CKLF: variants seen among roughly 807,000 people sequenced by gnomAD.
The protein encoded by CKLF is chemokine-like factor.
CKLF carries 16 observed loss-of-function variants against 12.9 expected under a neutral mutation model. The observed-to-expected ratio is 1.24, with a 90% CI of 0.84 to 1.88. The LOEUF (loss-of-function observed/expected upper bound fraction) is 1.88. CKLF is among the 40% of genes most tolerant of loss of function. The probability of loss-of-function intolerance (pLI) is 0.00; values close to 1 mark genes in which losing one functional copy is unlikely to be tolerated. For missense variants in CKLF, 172 were observed against 188.5 expected (o/e 0.91, Z 0.51); for synonymous variants, 61 against 69.0 (o/e 0.88, Z 0.57).
chr16:66,565,858 G>A, intron 3 of CKLF, 28 bp from the exon 4 acceptor site: 1 of 1,611,632 alleles, frequency 6.2e-7, no homozygotes. Flanking sequence ...ACCATGGTTA[G>A]GGCAGTGACA....
chr16:66,566,203 G>A, downstream of CKLF: 1 of 1,510,410 alleles, frequency 6.6e-7, no homozygotes. This position sits in a 1 kb window ranked among gnomAD's most constrained non-coding sequence, Gnocchi z 4.9. Context: ...TCCGGCACCC[G>A]GGCCTGGGTG....
chr16:66,564,317 T>C (rs1345037529), intron 3 of CKLF, among the ~76,000 whole-genome samples: 1 of 152,180 alleles, frequency 6.6e-6, no homozygotes, highest in Non-Finnish European at 1.5e-5. Flanking sequence ...AGATCAGCTG[T>C]AAGTATAAAA....
In CKLF at chr16:66,565,878, C is replaced by T; in HGVS notation, c.334-8C>T. ...GGTTAGGGCAGTGACACTTGTCTTTCTTTCCAGGTGTTTGCACTTGTGACA... is the reference window on the plus strand; with the variant it reads ...GGTTAGGGCAGTGACACTTGTCTTTTTTTCCAGGTGTTTGCACTTGTGACA... On this transcript the variant is annotated splice_region_variant and splice_polypyrimidine_tract_variant and intron_variant, in intron 3 of 3. Transcript: ENST00000264001. The T allele has an allele frequency of 6.2e-7, 1 of 1,613,474 alleles. No individual in the cohort carries two copies. The highest frequency in any genetic ancestry group is 8.5e-7 in the Non-Finnish European group (1 of 1,179,672).
At chr16:66,559,881 A>G (rs2011602781) in intron 2 of CKLF, among the ~76,000 whole-genome samples, 1 of 152,248 alleles carries the variant, frequency 6.6e-6, no homozygotes, top group South Asian at 2.1e-4. Context: ...GAAATTATTT[A>G]TTCAGCAAAT....
chr16:66,552,895 C>G (rs1000388020), intron 1 of CKLF, 102 bp downstream of exon 1: 1 of 1,547,532 alleles, frequency 6.5e-7, no homozygotes, highest in South Asian at 1.1e-5. Context: ...TTTTCAACCT[C>G]GCTTTGATCA....
At chr16:66,564,846 A>G (rs2012078928) in intron 3 of CKLF, among the ~76,000 whole-genome samples, 1 of 152,182 alleles carries the variant, frequency 6.6e-6, no homozygotes. Context: ...GGTGACTCAT[A>G]TTATGCTGCT....
chr16:66,563,371 G>A (rs1249634705), intron 3 of CKLF, among the ~76,000 whole-genome samples, 154 bp downstream of exon 3: 16 of 152,168 alleles, frequency 1.1e-4, no homozygotes, highest in Admixed American at 1.0e-3. Flanking sequence ...TTTTGTCTGT[G>A]AATGCTTGCC....
At chr16:66,552,944 G>A in intron 1 of CKLF, 151 bp downstream of exon 1, 1 of 1,111,316 alleles carries the variant, frequency 9.0e-7, no homozygotes, top group South Asian at 1.4e-5. Flanking sequence ...GGGGAAGAAG[G>A]AGAGAGATAC....
At chr16:66,563,360 T>C in intron 3 of CKLF, 143 bp downstream of exon 3, 1 of 966,400 alleles carries the variant, frequency 1.0e-6, no homozygotes, top group Non-Finnish European at 1.5e-6. Flanking sequence ...TGGCTTAATA[T>C]TTTTGTCTGT....
chr16:66,561,625 A>C (rs2011726975), intron 2 of CKLF, among the ~76,000 whole-genome samples: 1 of 152,208 alleles, frequency 6.6e-6, no homozygotes, highest in Non-Finnish European at 1.5e-5. Flanking sequence ...GAAGCAGAGC[A>C]AATATCCAAC....
chr16:66,556,091 G>A (rs2011441011), intron 1 of CKLF, among the ~76,000 whole-genome samples: 1 of 152,174 alleles, frequency 6.6e-6, no homozygotes, highest in South Asian at 2.1e-4. Context: ...TAGAGACCCA[G>A]ACTCATTGAG....
Position 66,558,544 on chromosome 16 carries a change from A to G in CKLF, c.237+196A>G. 3 of 625,182 alleles carry G rather than the reference A, an allele frequency of 4.8e-6. No individual in the cohort carries two copies. In the South Asian group the frequency reaches 7.1e-5, roughly 15 times the overall value. The allele number at this position is 625,182 out of a possible 1,614,324, so 38.7% of individuals were successfully genotyped here. A position where few individuals can be genotyped will look rare whatever the true frequency, so the allele number is the denominator to read the frequency against. ...CAAGGATGCAGGGCAGCCACAGAGC[A>G]TAAGTTCTCTGCACCATCTATCAGT... On this transcript the variant is annotated intron_variant, in intron 2 of 3. Coordinates refer to ENST00000264001, the MANE Select transcript of CKLF (RefSeq NM_016951.4).
chr16:66,553,172 C>CAAAACAAAAAAA (rs1555529539), intron 1 of CKLF, among the ~76,000 whole-genome samples: 1 of 150,068 alleles, frequency 6.7e-6, no homozygotes, highest in African/African-American at 2.5e-5. Flanking sequence ...AAAACAAAAA[C>CAAAACAAAAAAA]AAAAAAAAAC....
chr16:66,564,411 A>T lies in CKLF; in HGVS notation c.333+1194A>T, dbSNP rs547025935. On this transcript the variant is annotated intron_variant, in intron 3 of 3. Transcript: ENST00000264001. ...AATAACTTTGTTGATTACATGTTAA[A>T]TGATAATATTTTAGACATACTGAGC... is the stretch of plus-strand genomic sequence containing the variant. 5.3e-5 allele frequency among the ~76,000 whole-genome samples: 8 copies of T among 152,272 alleles called. No homozygotes were observed. In the South Asian group the frequency reaches 1.5e-3, roughly 28 times the overall value.
Position 66,552,735 on chromosome 16 carries a change from A to T in CKLF, c.20A>T (p.Lys7Ile). The change falls in exon 1 of 4, where the codon AAA (lysine) becomes ATA (isoleucine). Residue 7 changes from lysine to isoleucine, a missense_variant. Lys to Ile is a moderately radical substitution (Grantham distance 102). Coordinates refer to ENST00000264001, the MANE Select transcript of CKLF (RefSeq NM_016951.4). MDNVQPKIKHRPFCFSV... is the reference protein window; with the variant it reads MDNVQPIIKHRPFCFSV... Reference sequence around the variant, plus strand: ...GACGCGATGGATAACGTGCAGCCGAAAATAAAACATCGCCCCTTCTGCTTC... The same window carrying T: ...GACGCGATGGATAACGTGCAGCCGATAATAAAACATCGCCCCTTCTGCTTC... 6.2e-7 allele frequency: 1 copy of T among 1,614,208 alleles called. No individual in the cohort carries two copies.
chr16:66,565,730 C>G, intron 3 of CKLF, 156 bp from the exon 4 acceptor site: 1 of 686,594 alleles, frequency 1.5e-6, no homozygotes, highest in South Asian at 1.8e-5. Flanking sequence ...ATAAGATGAT[C>G]TCTGAAGTCT....
intron 1 of CKLF, 143 bp from the exon 2 acceptor site, chr16:66,558,047 A>T: frequency 8.1e-7 from 1 of 1,241,874 alleles, no homozygotes; most frequent in Non-Finnish European, 1.1e-6. Flanking sequence ...GCTTCAAGCG[A>T]TCCTCCTACC....
At position 66,565,928 on chromosome 16, in the gene CKLF, G is replaced by A. The variant is rs1038882334; in HGVS notation, c.376G>A (p.Ala126Thr). 11 of 1,613,946 alleles carry A rather than the reference G, an allele frequency of 6.8e-6. No homozygotes were observed. The highest frequency in any genetic ancestry group is 2.7e-5 in the African/African-American group (2 of 74,894). The change falls in exon 4 of 4, where the codon GCC (alanine) becomes ACC (threonine). Residue 126 changes from alanine (A) to threonine (T), a missense_variant. Transcript: ENST00000264001. ...AGCAGTATGCTGTCTTGCCGACGGG[G>A]CCCTTATTTACCGGAAGCTTCTGTT... ...VTAVCCLADG[A>T]LIYRKLLFNP... is the part of the protein sequence containing the mutation.
chr16:66,559,119 T>A (rs2011568585), intron 2 of CKLF, among the ~76,000 whole-genome samples: 1 of 152,174 alleles, frequency 6.6e-6, no homozygotes. Flanking sequence ...GCTGCCCTTC[T>A]CCTCTTTGGC....
Sources: gnomAD v4.1 joint callset for allele counts (sites outside exome capture counted in the v4.1 genomes callset) on GRCh38, gnomAD v4.1.1 for gene constraint, Gnocchi (gnomAD v3.1) non-coding constraint, MANE v1.5 for transcripts, NCBI Gene and HGNC (gene_info 2026-07-23, HGNC 2026-07-21) for gene names.